Variants in FBXL17 observed in about 807,000 individuals in gnomAD.
The protein encoded by FBXL17 is F-box/LRR-repeat protein 17.
FBXL17 carries 22 observed loss-of-function variants against 66.2 expected under a neutral mutation model. The observed-to-expected ratio is 0.33, with a 90% CI of 0.24 to 0.47. The LOEUF (loss-of-function observed/expected upper bound fraction) is 0.47. Ranked by LOEUF, FBXL17 falls within the 20% of genes least tolerant of loss-of-function variation. The pLI is 1.00. For missense variants in FBXL17, 878 were observed against 948.2 expected (o/e 0.93, Z 0.97); for synonymous variants, 474 against 400.5 (o/e 1.18, Z -2.19).
At chr5:108,357,704 T>TA (rs1057196252) in intron 3 of FBXL17, among the ~76,000 whole-genome samples, 6 of 150,172 alleles carry the variant, frequency 4.0e-5, no homozygotes, top group South Asian at 2.1e-4. Context: ...CCAAAAAACT[T>TA]AGAGATTTAA....
At chr5:108,004,308 A>AT (rs1204783992) in intron 7 of FBXL17, among the ~76,000 whole-genome samples, 4 of 152,166 alleles carry the variant, frequency 2.6e-5, no homozygotes, top group East Asian at 1.9e-4. Flanking sequence ...TATTTTCCCC[A>AT]TTTTTTAATA....
intron 6 of FBXL17, among the ~76,000 whole-genome samples, chr5:108,089,481 C>G (rs969190185): frequency 2.0e-4 from 30 of 152,176 alleles, no homozygotes; most frequent in African/African-American, 7.2e-4. Context: ...CCCAGAATAA[C>G]CCCTGCTTCT....
At chr5:108,209,883 T>C (rs1197337081) in intron 5 of FBXL17, among the ~76,000 whole-genome samples, 2 of 152,218 alleles carry the variant, frequency 1.3e-5, no homozygotes, top group Admixed American at 6.5e-5. Context: ...TCAGAGGAAA[T>C]GGTACCAGCT....
At chr5:108,012,878 G>A (rs949476002) in intron 7 of FBXL17, among the ~76,000 whole-genome samples, 4 of 152,016 alleles carry the variant, frequency 2.6e-5, no homozygotes, top group Non-Finnish European at 5.9e-5. Context: ...AGCCGGGCGT[G>A]GTGGCACATG....
chr5:108,257,934 C>T lies in FBXL17; in HGVS notation c.1507-33706G>A, dbSNP rs1463141279. ...TTATGTTTGCATCAACCTGCATCTC[C>T]CCAGACCAGTCATACCTTGATCTCA... On this transcript the variant is annotated intron_variant, in intron 4 of 8. Coordinates refer to ENST00000542267, the MANE Select transcript of FBXL17 (RefSeq NM_001163315.3). 4.6e-5 allele frequency among the ~76,000 whole-genome samples: 7 copies of T among 152,058 alleles called. 1 individual carries two copies. The highest frequency in any genetic ancestry group is 2.0e-4 in the Admixed American group (3 of 15,260).
At chr5:107,950,529 A>G (rs1387323627) in intron 7 of FBXL17, among the ~76,000 whole-genome samples, 1 of 152,202 alleles carries the variant, frequency 6.6e-6, no homozygotes. Flanking sequence ...AATGGCAAAA[A>G]GCAGAACGTC....
At chr5:108,032,011 T>C (rs1309166365) in intron 6 of FBXL17, among the ~76,000 whole-genome samples, 1 of 152,192 alleles carries the variant, frequency 6.6e-6, no homozygotes, top group African/African-American at 2.4e-5. Flanking sequence ...AACAAACATT[T>C]GCTAACATCT....
intron 6 of FBXL17, among the ~76,000 whole-genome samples, chr5:108,168,776 A>G (rs1026117225): frequency 2.6e-5 from 4 of 152,114 alleles, no homozygotes; most frequent in African/African-American, 9.7e-5. Context: ...GATCATCACA[A>G]ATTCTAAATG....
chr5:108,190,737 G>A (rs746401038), intron 5 of FBXL17, among the ~76,000 whole-genome samples: 4 of 152,126 alleles, frequency 2.6e-5, no homozygotes, highest in African/African-American at 9.7e-5. Context: ...TCTTAAATTT[G>A]ATAATCCTCA....
intron 4 of FBXL17, among the ~76,000 whole-genome samples, chr5:108,338,333 C>A (rs1034761782): frequency 6.6e-6 from 1 of 151,888 alleles, no homozygotes; most frequent in Admixed American, 6.6e-5. Flanking sequence ...AGAAAATCAC[C>A]CAACTATAGT....
At chr5:108,373,962 A>G (rs901812524) in intron 1 of FBXL17, among the ~76,000 whole-genome samples, 2 of 152,190 alleles carry the variant, frequency 1.3e-5, no homozygotes, top group African/African-American at 4.8e-5. Context: ...GTAAAAACAC[A>G]ATCCAATTAT....
intron 7 of FBXL17, among the ~76,000 whole-genome samples, chr5:107,947,594 T>C (rs1044397831): frequency 2.6e-5 from 4 of 152,238 alleles, no homozygotes; most frequent in Non-Finnish European, 4.4e-5. Flanking sequence ...TCTGTTCTGA[T>C]AATTTCTACC....
intron 7 of FBXL17, among the ~76,000 whole-genome samples, chr5:107,914,190 G>C (rs1044516783): frequency 2.6e-5 from 4 of 152,150 alleles, no homozygotes; most frequent in Non-Finnish European, 5.9e-5. Context: ...TCAAATCAGA[G>C]AGTATAGTCA....
chr5:107,930,287 C>T (rs929315086), intron 7 of FBXL17, among the ~76,000 whole-genome samples: 2 of 152,126 alleles, frequency 1.3e-5, no homozygotes, highest in Non-Finnish European at 2.9e-5. Flanking sequence ...TCATTTCCTT[C>T]GACTCACCAA....
At position 108,219,912 on chromosome 5, in the gene FBXL17, T is replaced by C. The variant is rs116800112; in HGVS notation, c.1614+4209A>G. On this transcript the variant is annotated intron_variant, in intron 5 of 8. Transcript: ENST00000542267. ...CTTTCCATTTCATTGATTTCCTCTT[T>C]GATCTTTACTATTTCCTTTTTTTTT... Among the ~76,000 whole-genome samples, 1,442 of 149,730 alleles carry C rather than the reference T, an allele frequency of 9.6e-3. 27 individuals carry two copies. Among genetic ancestry groups the C allele is most frequent in the African/African-American group, 0.033 (1,325 of 40,472 alleles).
At chr5:108,320,549 T>C (rs2150217265) in intron 4 of FBXL17, among the ~76,000 whole-genome samples, 1 of 151,904 alleles carries the variant, frequency 6.6e-6, no homozygotes, top group South Asian at 2.1e-4. Context: ...AACATGAAAA[T>C]GTTTTAAATG....
At chr5:108,176,263 T>A (rs1191847635) in intron 6 of FBXL17, among the ~76,000 whole-genome samples, 2 of 152,206 alleles carry the variant, frequency 1.3e-5, no homozygotes, top group Non-Finnish European at 2.9e-5. Flanking sequence ...AAATTATGAT[T>A]TCATAACAAG....
intron 5 of FBXL17, among the ~76,000 whole-genome samples, chr5:108,212,141 C>T (rs866742849): frequency 6.6e-6 from 1 of 152,302 alleles, no homozygotes; most frequent in African/African-American, 2.4e-5. Context: ...GCGTATGCTT[C>T]ATGAAGTTCT....
At chr5:107,961,687 T>C (rs1474444224) in intron 7 of FBXL17, among the ~76,000 whole-genome samples, 2 of 152,170 alleles carry the variant, frequency 1.3e-5, no homozygotes, top group Non-Finnish European at 2.9e-5. Flanking sequence ...AAATGGAACA[T>C]AAAATCATAA....
Sources: gnomAD v4.1 joint callset for allele counts (sites outside exome capture counted in the v4.1 genomes callset) on GRCh38, gnomAD v4.1.1 for gene constraint, MANE v1.5 for transcripts, NCBI Gene and HGNC (gene_info 2026-07-23, HGNC 2026-07-21) for gene names.